CAMK1D: variants seen among roughly 807,000 people sequenced by gnomAD.
The protein encoded by CAMK1D is calcium/calmodulin dependent protein kinase ID.
A neutral mutation model predicts 47.7 loss-of-function variants in CAMK1D; 9 were observed. The ratio of observed to expected loss-of-function variants is 0.19; its 90% CI spans 0.11 to 0.33. CAMK1D has a LOEUF of 0.33. Ranked by LOEUF, CAMK1D falls within the 10% of genes least tolerant of loss-of-function variation. CAMK1D has a pLI of 1.00. For missense variants in CAMK1D, 291 were observed against 488.7 expected (o/e 0.60, Z 3.81); for synonymous variants, 184 against 184.9 (o/e 0.99, Z 0.04).
At chr10:12,602,949 C>T (rs1013223942) in intron 2 of CAMK1D, among the ~76,000 whole-genome samples, 26 of 97,716 alleles carry the variant, frequency 2.7e-4, no homozygotes, top group Admixed American at 9.5e-4. Context: ...CGCCCTGTTG[C>T]TCCCAAGCTG....
rs527946661 is a variant in CAMK1D, at chr10:12,565,717, A to G, written c.224+12361A>G. On this transcript the variant is annotated intron_variant, in intron 2 of 10. Transcript: ENST00000619168. ...CTGTAAAGTGGATATTATGATCTGC[A>G]TTTCACAGATGAGGAATTTGGACTT... Among the ~76,000 whole-genome samples, 7 of 152,300 alleles carry G rather than the reference A, an allele frequency of 4.6e-5. No homozygotes were observed. The East Asian group carries it at 1.2e-3, about 25-fold the overall frequency.
At chr10:12,432,598 AAATG>A (rs1332831835) in intron 1 of CAMK1D, among the ~76,000 whole-genome samples, 11 of 152,376 alleles carry the variant, frequency 7.2e-5, no homozygotes, top group Middle Eastern at 3.4e-3. Context: ...TGAGTTGAAT[AAATG>A]AATGAATGAG....
chr10:12,427,398 G>A (rs1272487383), intron 1 of CAMK1D, among the ~76,000 whole-genome samples: 1 of 152,164 alleles, frequency 6.6e-6, no homozygotes, highest in Non-Finnish European at 1.5e-5. Context: ...AGAGGCTGGG[G>A]AAGAATCCGC....
At position 12,726,966 on chromosome 10, in the gene CAMK1D, C is replaced by T. The variant is rs147327465; in HGVS notation, c.300-33982C>T. 1.5e-3 allele frequency among the ~76,000 whole-genome samples: 225 copies of T among 152,346 alleles called. 1 individual carries two copies. The highest frequency in any genetic ancestry group is 5.0e-3 in the African/African-American group (207 of 41,592). On this transcript the variant is annotated intron_variant, in intron 3 of 10. Coordinates refer to ENST00000619168, the MANE Select transcript of CAMK1D (RefSeq NM_153498.4). ...AGCTGCCCAGGGCCATGGTGAGGAG[C>T]GGCTGTATTCAGTCAGGCCTACGGC...
intron 1 of CAMK1D, among the ~76,000 whole-genome samples, chr10:12,376,768 T>C (rs1367143499): frequency 6.6e-6 from 1 of 151,740 alleles, no homozygotes; most frequent in Non-Finnish European, 1.5e-5. Flanking sequence ...TCTTTTTTTT[T>C]TTTGAGACAG....
intron 1 of CAMK1D, among the ~76,000 whole-genome samples, chr10:12,472,313 C>T (rs1449691873): frequency 6.6e-6 from 1 of 152,074 alleles, no homozygotes; most frequent in East Asian, 1.9e-4. Context: ...TCAGATGGTC[C>T]ATGTCCCATA....
At chr10:12,395,320 G>A (rs867929422) in intron 1 of CAMK1D, among the ~76,000 whole-genome samples, 6 of 151,530 alleles carry the variant, frequency 4.0e-5, no homozygotes, top group South Asian at 2.1e-4. Context: ...CCCCGCCTCC[G>A]CAGAGGTTTG....
intron 2 of CAMK1D, among the ~76,000 whole-genome samples, chr10:12,638,836 C>T (rs1021018917): frequency 6.6e-6 from 1 of 152,152 alleles, no homozygotes; most frequent in Admixed American, 6.5e-5. Flanking sequence ...GGTGAGGTTC[C>T]CCATCTTCCT....
At position 12,506,619 on chromosome 10, in the gene CAMK1D, C is replaced by T. The variant is rs947193646; in HGVS notation, c.93-46606C>T. On this transcript the variant is annotated intron_variant, in intron 1 of 10. Coordinates refer to ENST00000619168, the MANE Select transcript of CAMK1D (RefSeq NM_153498.4). ...CTGCAGTCTCCGCCTCCCGGGTTCA[C>T]GCCATTCTCCTGCCTCAGCCTCACG... Among the ~76,000 whole-genome samples, 23 of 152,162 alleles carry T rather than the reference C, an allele frequency of 1.5e-4. 1 individual carries two copies. The highest frequency in any genetic ancestry group is 2.4e-4 in the Non-Finnish European group (16 of 67,994).
In CAMK1D at chr10:12,792,046, C is replaced by T. The variant is rs11257996; in HGVS notation, c.641+813C>T. Among the ~76,000 whole-genome samples the T allele has an allele frequency of 2.0e-5, 3 of 152,036 alleles. No homozygotes were observed. In the East Asian group the frequency reaches 5.8e-4, roughly 29 times the overall value. On this transcript the variant is annotated intron_variant, in intron 6 of 10. Coordinates refer to ENST00000619168, the MANE Select transcript of CAMK1D (RefSeq NM_153498.4). The stretch of plus-strand genomic sequence containing the variant: ...TGAAGTGGTATCTCATTGGGGTTTT[C>T]AATTTGCATTTTTGTAATAGCTAAT...
chr10:12,378,753 G>GT (rs1243137164), intron 1 of CAMK1D, among the ~76,000 whole-genome samples: 10 of 150,986 alleles, frequency 6.6e-5, no homozygotes, highest in Admixed American at 2.0e-4. Flanking sequence ...CACTTGCAAG[G>GT]TTTTTTTCTC....
At chr10:12,388,597 C>T (rs1375774185) in intron 1 of CAMK1D, among the ~76,000 whole-genome samples, 1 of 152,166 alleles carries the variant, frequency 6.6e-6, no homozygotes, top group Non-Finnish European at 1.5e-5. Context: ...AGAAAACATA[C>T]CTGTCTGCTA....
intron 1 of CAMK1D, among the ~76,000 whole-genome samples, chr10:12,368,186 G>A (rs930438238): frequency 7.0e-6 from 1 of 142,308 alleles, no homozygotes; most frequent in Non-Finnish European, 1.5e-5. Context: ...GCGACAGAGC[G>A]AGACTCCGTC....
At chr10:12,422,404 A>C (rs1840085504) in intron 1 of CAMK1D, among the ~76,000 whole-genome samples, 2 of 152,176 alleles carry the variant, frequency 1.3e-5, no homozygotes, top group South Asian at 4.1e-4. Context: ...AGTGATCAGA[A>C]ATGAACTCAC....
intron 1 of CAMK1D, among the ~76,000 whole-genome samples, chr10:12,461,594 C>T (rs946753362): frequency 6.7e-6 from 1 of 148,372 alleles, no homozygotes; most frequent in African/African-American, 2.5e-5. Context: ...GAGGCTGAGG[C>T]AGGAGAATTG....
chr10:12,541,597 G>A (rs990091237), intron 1 of CAMK1D, among the ~76,000 whole-genome samples: 4 of 152,104 alleles, frequency 2.6e-5, no homozygotes, highest in Non-Finnish European at 5.9e-5. Context: ...CTGAGCTTGT[G>A]ATTCACCCGC....
intron 1 of CAMK1D, among the ~76,000 whole-genome samples, chr10:12,408,223 A>G (rs932324443): frequency 2.0e-5 from 3 of 149,504 alleles, no homozygotes; most frequent in Non-Finnish European, 4.4e-5. Context: ...GTGCAGTGGC[A>G]TGATCTCGGC....
At chr10:12,452,666 A>G (rs558686087) in intron 1 of CAMK1D, among the ~76,000 whole-genome samples, 34 of 151,902 alleles carry the variant, frequency 2.2e-4, no homozygotes, top group African/African-American at 7.7e-4. Flanking sequence ...ACTCACTGCA[A>G]CCTCCGCCTC....
intron 5 of CAMK1D, among the ~76,000 whole-genome samples, chr10:12,773,114 G>C (rs533702415): frequency 6.6e-6 from 1 of 152,176 alleles, no homozygotes; most frequent in East Asian, 1.9e-4. Context: ...ATTAGGGTTC[G>C]TATCAATCTG....
Sources: gnomAD v4.1 joint callset for allele counts (sites outside exome capture counted in the v4.1 genomes callset) on GRCh38, gnomAD v4.1.1 for gene constraint, MANE v1.5 for transcripts, NCBI Gene and HGNC (gene_info 2026-07-23, HGNC 2026-07-21) for gene names.